PLPP1: variants seen among roughly 807,000 people sequenced by gnomAD.
PLPP1 encodes phospholipid phosphatase 1.
PLPP1 carries 24 observed loss-of-function variants against 31.2 expected under a neutral mutation model. The ratio of observed to expected loss-of-function variants is 0.77; its 90% CI spans 0.56 to 1.08. The LOEUF is 1.08. PLPP1 is among the 50% of genes least tolerant of loss of function. The pLI is 0.00. For missense variants in PLPP1, 319 were observed against 342.7 expected (o/e 0.93, Z 0.55); for synonymous variants, 146 against 126.3 (o/e 1.16, Z -1.05).
At chr5:55,514,109 T>TG (rs1229698722) in intron 1 of PLPP1, among the ~76,000 whole-genome samples, 2 of 152,218 alleles carry the variant, frequency 1.3e-5, no homozygotes, top group Non-Finnish European at 2.9e-5. Context: ...GCCAGGCACA[T>TG]GGCTCATGCC....
chr5:55,454,472 A>T (rs1343632743), intron 3 of PLPP1, among the ~76,000 whole-genome samples: 1 of 152,204 alleles, frequency 6.6e-6, no homozygotes, highest in Non-Finnish European at 1.5e-5. Context: ...CTGGTCAGTA[A>T]ATTAGCTGGT....
chr5:55,476,305 T>C (rs1183860800), intron 1 of PLPP1, among the ~76,000 whole-genome samples: 2 of 151,744 alleles, frequency 1.3e-5, no homozygotes, highest in Admixed American at 1.3e-4. Context: ...ACATGAGCCA[T>C]TGCACCCAGT....
chr5:55,503,948 T>G (rs1561249769), intron 1 of PLPP1, among the ~76,000 whole-genome samples: 37 of 123,658 alleles, frequency 3.0e-4, no homozygotes, highest in South Asian at 9.3e-4. Context: ...GAGGGAGGGG[T>G]GGTTCTTAAT....
intron 1 of PLPP1, among the ~76,000 whole-genome samples, chr5:55,515,170 A>C (rs1265872336): frequency 6.6e-6 from 1 of 152,260 alleles, no homozygotes; most frequent in Middle Eastern, 3.2e-3. Context: ...TGATAGTTAG[A>C]AAACAATATA....
Position 55,424,910 on chromosome 5 carries a change from G to T in PLPP1, c.*296C>A, listed in dbSNP as rs1254450204. 1 of 662,666 alleles carries T rather than the reference G, an allele frequency of 1.5e-6. No individual in the cohort carries two copies. The highest frequency in any genetic ancestry group is 2.6e-6 in the Non-Finnish European group (1 of 388,446). The allele number at this position is 662,666 out of a possible 1,614,324, so 41.0% of individuals were successfully genotyped here. ...ATATTTAAATCAAACATCATTCATAGAAAGCATATTACATACATGTTTATA... is the reference window on the plus strand; with the variant it reads ...ATATTTAAATCAAACATCATTCATATAAAGCATATTACATACATGTTTATA... On this transcript the variant is annotated 3_prime_UTR_variant, in exon 6 of 6. Transcript: ENST00000307259.
intron 4 of PLPP1, among the ~76,000 whole-genome samples, chr5:55,432,412 T>C (rs1166718133): frequency 6.6e-6 from 1 of 151,992 alleles, no homozygotes; most frequent in Non-Finnish European, 1.5e-5. Context: ...TCCCATTTGG[T>C]CCCAATCCAG....
At chr5:55,477,535 A>G (rs916020286) in intron 1 of PLPP1, among the ~76,000 whole-genome samples, 2 of 151,718 alleles carry the variant, frequency 1.3e-5, no homozygotes, top group African/African-American at 4.8e-5. Flanking sequence ...CCAGGACTAC[A>G]GGCACCCACC....
At chr5:55,446,825 T>C (rs891275347) in intron 3 of PLPP1, among the ~76,000 whole-genome samples, 1 of 152,204 alleles carries the variant, frequency 6.6e-6, no homozygotes, top group Non-Finnish European at 1.5e-5. Context: ...ATGCTGCCAC[T>C]CTTCGGGAGT....
chr5:55,518,921 G>A (rs1753607633), intron 1 of PLPP1, among the ~76,000 whole-genome samples: 1 of 152,048 alleles, frequency 6.6e-6, no homozygotes, highest in African/African-American at 2.4e-5. Context: ...GAATAGCAGA[G>A]GCAAGACCAG....
At chr5:55,483,596 C>T (rs539714835) in intron 1 of PLPP1, among the ~76,000 whole-genome samples, 4 of 145,964 alleles carry the variant, frequency 2.7e-5, no homozygotes, top group Non-Finnish European at 4.5e-5. Flanking sequence ...TGCTTAAACC[C>T]AGGAGGCAGA....
intron 4 of PLPP1, among the ~76,000 whole-genome samples, chr5:55,427,521 T>C (rs1360677958): frequency 4.6e-5 from 7 of 152,218 alleles, no homozygotes; most frequent in African/African-American, 1.7e-4. Flanking sequence ...AACTCTAGAA[T>C]GGACTTAAGC....
chr5:55,533,548 T>C (rs368393574), intron 1 of PLPP1, among the ~76,000 whole-genome samples: 4 of 152,276 alleles, frequency 2.6e-5, no homozygotes, highest in African/African-American at 9.6e-5. Context: ...CGAGGGAATC[T>C]CCTGTCACTG....
intron 1 of PLPP1, among the ~76,000 whole-genome samples, chr5:55,489,008 A>G (rs1377129640): frequency 6.6e-6 from 1 of 152,048 alleles, no homozygotes; most frequent in Non-Finnish European, 1.5e-5. Flanking sequence ...TGCCTGGCCA[A>G]CATGAAGAAA....
chr5:55,461,988 C>T (rs1354413989), intron 3 of PLPP1, among the ~76,000 whole-genome samples: 1 of 150,804 alleles, frequency 6.6e-6, no homozygotes, highest in African/African-American at 2.4e-5. Flanking sequence ...CTTAACAAAA[C>T]GTATGCAAGA....
chr5:55,501,431 T>C (rs1753142928), intron 1 of PLPP1, among the ~76,000 whole-genome samples: 1 of 152,172 alleles, frequency 6.6e-6, no homozygotes, highest in Admixed American at 6.5e-5. Context: ...ATAATTACTT[T>C]TGGCGATTTT....
At chr5:55,511,561 G>A (rs571553700) in intron 1 of PLPP1, among the ~76,000 whole-genome samples, 43 of 150,842 alleles carry the variant, frequency 2.9e-4, no homozygotes, top group South Asian at 2.7e-3. Context: ...GTTAAAAGGG[G>A]TAATCTTTGG....
chr5:55,532,449 A>T (rs1292045391), intron 1 of PLPP1, among the ~76,000 whole-genome samples: 1 of 152,206 alleles, frequency 6.6e-6, no homozygotes, highest in African/African-American at 2.4e-5. Context: ...GATAATATTC[A>T]ATATATTAGA....
At chr5:55,476,421 T>A (rs1752552715) in intron 1 of PLPP1, among the ~76,000 whole-genome samples, 1 of 152,164 alleles carries the variant, frequency 6.6e-6, no homozygotes, top group Admixed American at 6.6e-5. Context: ...GATCATGTCT[T>A]ATACTCACCT....
intron 1 of PLPP1, 89 bp from the exon 2 acceptor site, chr5:55,475,539 A>C: frequency 8.0e-7 from 1 of 1,242,398 alleles, no homozygotes; most frequent in Middle Eastern, 2.4e-4. Context: ...CTCTGTCTAA[A>C]AATGCATTTG....
Sources: gnomAD v4.1 joint callset for allele counts (sites outside exome capture counted in the v4.1 genomes callset) on GRCh38, gnomAD v4.1.1 for gene constraint, MANE v1.5 for transcripts, NCBI Gene and HGNC (gene_info 2026-07-23, HGNC 2026-07-21) for gene names.